PGPEP1L: variants seen among roughly 807,000 people sequenced by gnomAD.
The protein encoded by PGPEP1L is pyroglutamyl-peptidase I like, also known as pyroglutamyl-peptidase 1-like protein.
A neutral mutation model predicts 6.0 loss-of-function variants in PGPEP1L; 7 were observed. The ratio of observed to expected loss-of-function variants is 1.17; its 90% CI spans 0.66 to 2.19. The LOEUF (loss-of-function observed/expected upper bound fraction) is 2.19. Among genes scored for constraint, PGPEP1L ranks in the 30% most tolerant of loss-of-function variants. The pLI is 0.00. For synonymous variants in PGPEP1L, 103 were observed against 83.9 expected (o/e 1.23, Z -1.24); for missense variants, 209 against 192.5 (o/e 1.09, Z -0.51).
intron 2 of PGPEP1L, among the ~76,000 whole-genome samples, chr15:98,994,777 GTT>G (rs1342647346): frequency 2.6e-5 from 4 of 152,042 alleles, no homozygotes; most frequent in Admixed American, 2.6e-4. Context: ...AACTCTTGGT[GTT>G]TGTTTTTATA....
chr15:99,007,131 G>A (rs1465130461), intron 1 of PGPEP1L, among the ~76,000 whole-genome samples: 3 of 152,224 alleles, frequency 2.0e-5, no homozygotes, highest in East Asian at 3.8e-4. Flanking sequence ...GGTGTGGGCT[G>A]CAGGCCTCTT....
intron 2 of PGPEP1L, among the ~76,000 whole-genome samples, chr15:98,986,194 G>T (rs919187430): frequency 6.6e-6 from 1 of 152,182 alleles, no homozygotes; most frequent in Admixed American, 6.5e-5. Context: ...TTAGAATTTT[G>T]TAAGTGATAG....
At chr15:98,998,596 C>T (rs1423853462) in intron 2 of PGPEP1L, among the ~76,000 whole-genome samples, 3 of 152,170 alleles carry the variant, frequency 2.0e-5, no homozygotes, top group Admixed American at 6.5e-5. Flanking sequence ...AACAATTAGA[C>T]ACTAACAGGC....
intron 2 of PGPEP1L, among the ~76,000 whole-genome samples, chr15:98,976,436 G>C (rs960781005): frequency 1.3e-5 from 2 of 152,182 alleles, no homozygotes; most frequent in African/African-American, 4.8e-5. Flanking sequence ...AAGCCTTCTA[G>C]AGTTCTATGG....
At chr15:98,980,531 G>A (rs376420718) in intron 2 of PGPEP1L, among the ~76,000 whole-genome samples, 13 of 152,196 alleles carry the variant, frequency 8.5e-5, no homozygotes, top group African/African-American at 2.9e-4. Flanking sequence ...CCCAGTAACC[G>A]ATGTAACTCC....
intron 2 of PGPEP1L, among the ~76,000 whole-genome samples, chr15:98,976,229 C>T (rs1277928845): frequency 6.6e-6 from 1 of 152,108 alleles, no homozygotes; most frequent in Non-Finnish European, 1.5e-5. Context: ...TAATGTTATA[C>T]ATCAATGTTA....
At position 98,968,558 on chromosome 15, in the gene PGPEP1L, G is replaced by C. The variant is rs755144871; in HGVS notation, c.349C>G (p.Leu117Val). ...TGCTTGGGCTTTCCCACCTCTTCCA[G>C]CATTTCCTGGATGATGACTCTCAAG... The part of the protein sequence containing the change: ...RALRVIIQEM[L>V]EEVGKPKHRA... The change falls in exon 5 of 5, where the codon CTG (leucine) becomes GTG (valine). Residue 117 changes from leucine (L) to valine (V), a missense_variant. Coordinates refer to ENST00000535714, the MANE Select transcript of PGPEP1L (RefSeq NM_001167902.2). 1.3e-6 allele frequency: 2 copies of C among 1,590,060 alleles called. No individual in the cohort carries two copies.
intron 2 of PGPEP1L, among the ~76,000 whole-genome samples, chr15:98,984,256 C>T (rs1371571231): frequency 1.3e-5 from 2 of 152,162 alleles, no homozygotes; most frequent in Non-Finnish European, 2.9e-5. Flanking sequence ...GTGAACCACC[C>T]ACCGTGGCCT....
chr15:99,002,074 C>T (rs930526268), intron 2 of PGPEP1L, among the ~76,000 whole-genome samples: 4 of 152,216 alleles, frequency 2.6e-5, no homozygotes, highest in Admixed American at 6.5e-5. Context: ...TGTAGTACCA[C>T]GATCATAGCT....
chr15:98,979,025 G>A (rs2017615491), intron 2 of PGPEP1L, among the ~76,000 whole-genome samples: 1 of 84,798 alleles, frequency 1.2e-5, no homozygotes, highest in South Asian at 4.9e-4. Flanking sequence ...GCCGCGCCTG[G>A]CTACAGGATA....
At chr15:99,006,460 A>C (rs1481559815) in intron 1 of PGPEP1L, among the ~76,000 whole-genome samples, 1 of 152,238 alleles carries the variant, frequency 6.6e-6, no homozygotes, top group African/African-American at 2.4e-5. Flanking sequence ...AAAGGCTAAC[A>C]TTTGAGGCTA....
intron 2 of PGPEP1L, among the ~76,000 whole-genome samples, chr15:98,975,490 G>T (rs557643301): frequency 6.6e-6 from 1 of 152,318 alleles, no homozygotes; most frequent in South Asian, 2.1e-4. Flanking sequence ...TCAGCACAAA[G>T]AAATAAGTGT....
chr15:99,005,638 G>GC lies in PGPEP1L; in HGVS notation c.-352dup, dbSNP rs2018044727. ...CCGCCCGGCGTCCGTAGCGTTCTGG[G>GC]CCCCGAAAGGCCAAGGATCTAGGGG... On this transcript the variant is annotated 5_prime_UTR_variant, in exon 2 of 5. An upstream open reading frame in the 5' UTR gains an earlier in-frame stop. Coordinates refer to ENST00000535714, the MANE Select transcript of PGPEP1L (RefSeq NM_001167902.2). 6.6e-6 allele frequency: 1 copy of GC among 152,224 alleles called. No individual in the cohort carries two copies. The highest frequency in any genetic ancestry group is 1.5e-5 in the Non-Finnish European group (1 of 68,076). The allele number at this position is 152,224 out of a possible 1,614,324, so 9.4% of individuals were successfully genotyped here.
intron 2 of PGPEP1L, among the ~76,000 whole-genome samples, chr15:98,974,380 A>G (rs2017539479): frequency 6.6e-6 from 1 of 151,772 alleles, no homozygotes; most frequent in South Asian, 2.1e-4. Flanking sequence ...CCCTGTCTCA[A>G]AAAAAAATAA....
At chr15:98,979,573 G>T (rs2151757653) in intron 2 of PGPEP1L, among the ~76,000 whole-genome samples, 1 of 148,414 alleles carries the variant, frequency 6.7e-6, no homozygotes, top group African/African-American at 2.5e-5. Context: ...ATACTACTCA[G>T]CCATAAAAAG....
chr15:98,980,670 G>A (rs560341348), intron 2 of PGPEP1L, among the ~76,000 whole-genome samples: 4 of 152,294 alleles, frequency 2.6e-5, no homozygotes, highest in Admixed American at 6.5e-5. Context: ...AGTGGCTCAC[G>A]CCTGTAATCC....
intron 2 of PGPEP1L, among the ~76,000 whole-genome samples, chr15:98,983,159 A>G (rs1430353180): frequency 2.5e-3 from 37 of 14,992 alleles, no homozygotes; most frequent in Admixed American, 0.014. Context: ...TTCTCTTGGG[A>G]AAAAAAAAAA....
chr15:98,997,545 A>T (rs1409782936), intron 2 of PGPEP1L, among the ~76,000 whole-genome samples: 1 of 152,198 alleles, frequency 6.6e-6, no homozygotes, highest in Non-Finnish European at 1.5e-5. Context: ...TCCCTCCTCA[A>T]GGCCTGTCTG....
At chr15:98,969,288 G>A in intron 4 of PGPEP1L, 137 bp downstream of exon 4, 1 of 1,053,210 alleles carries the variant, frequency 9.5e-7, no homozygotes. Flanking sequence ...ACAGCAAAGA[G>A]GGGCAATCTG....
Sources: gnomAD v4.1 joint callset for allele counts (sites outside exome capture counted in the v4.1 genomes callset) on GRCh38, gnomAD v4.1.1 for gene constraint, MANE v1.5 for transcripts, NCBI Gene and HGNC (gene_info 2026-07-23, HGNC 2026-07-21) for gene names.